Variants in HPSE2 observed in about 807,000 individuals in gnomAD.
The protein encoded by HPSE2 is inactive heparanase-2.
Under a neutral mutation model 60.5 loss-of-function variants are expected in HPSE2, and 38 were observed. The ratio of observed to expected loss-of-function variants is 0.63; its 90% CI spans 0.48 to 0.82. HPSE2 has a LOEUF of 0.82. Ranked by LOEUF, HPSE2 falls within the 40% of genes least tolerant of loss-of-function variation. The pLI, the probability that HPSE2 is intolerant of heterozygous loss-of-function variation, is 0.00. For missense variants in HPSE2, 713 were observed against 740.4 expected, an observed-to-expected ratio of 0.96 and a Z score of 0.43; for synonymous variants, 295 against 293.2, an observed-to-expected ratio of 1.01 and a Z score of -0.06.
chr10:98,922,293 G>T (rs1029221708), intron 3 of HPSE2, among the ~76,000 whole-genome samples: 1 of 152,144 alleles, frequency 6.6e-6, no homozygotes, highest in Admixed American at 6.5e-5. Context: ...ATTGGATAGT[G>T]CCCTTCAGGG....
chr10:98,742,102 T>C (rs1424797653), intron 4 of HPSE2, among the ~76,000 whole-genome samples: 1 of 152,192 alleles, frequency 6.6e-6, no homozygotes, highest in Admixed American at 6.5e-5. Context: ...TGTTGTCAAA[T>C]GTATGATACT....
At chr10:98,465,426 C>A (rs1167846907) in intron 11 of HPSE2, among the ~76,000 whole-genome samples, 1 of 152,214 alleles carries the variant, frequency 6.6e-6, no homozygotes, top group Non-Finnish European at 1.5e-5. Flanking sequence ...GAGATTTGCA[C>A]TGACGCCCTT....
intron 9 of HPSE2, among the ~76,000 whole-genome samples, chr10:98,552,377 C>T (rs1943888197): frequency 1.3e-5 from 2 of 152,004 alleles, no homozygotes; most frequent in African/African-American, 4.8e-5. Flanking sequence ...TATTAACGCA[C>T]TTAGAACTGT....
chr10:99,046,501 GA>G (rs764583135), intron 3 of HPSE2, among the ~76,000 whole-genome samples: 3 of 151,928 alleles, frequency 2.0e-5, no homozygotes, highest in Non-Finnish European at 4.4e-5. Context: ...AAGAAAAAAA[GA>G]AATAAAACAC....
At chr10:98,825,848 C>T (rs1013607098) in intron 3 of HPSE2, among the ~76,000 whole-genome samples, 22 of 152,184 alleles carry the variant, frequency 1.4e-4, no homozygotes, top group Non-Finnish European at 3.2e-4. Context: ...TGGACATGGT[C>T]ATGAATGCAT....
At chr10:98,884,166 T>C (rs984747865) in intron 3 of HPSE2, among the ~76,000 whole-genome samples, 1 of 152,146 alleles carries the variant, frequency 6.6e-6, no homozygotes, top group Non-Finnish European at 1.5e-5. Context: ...TACCTCTCTT[T>C]AATTCTCTGA....
At chr10:98,807,224 C>CT (rs1196743483) in intron 3 of HPSE2, among the ~76,000 whole-genome samples, 3 of 152,142 alleles carry the variant, frequency 2.0e-5, no homozygotes, top group African/African-American at 7.2e-5. Flanking sequence ...TTCTGCCATT[C>CT]TTTTTTATAT....
At chr10:99,072,541 A>G (rs897157737) in intron 3 of HPSE2, among the ~76,000 whole-genome samples, 1 of 152,232 alleles carries the variant, frequency 6.6e-6, no homozygotes, top group Non-Finnish European at 1.5e-5. Flanking sequence ...GCTGACAAAC[A>G]TATGAAAAAA....
chr10:98,465,481 A>G (rs1940488456), intron 11 of HPSE2, among the ~76,000 whole-genome samples: 2 of 152,226 alleles, frequency 1.3e-5, no homozygotes, highest in Admixed American at 6.5e-5. Context: ...TGATTGCTAA[A>G]GAGCCCCAGG....
At chr10:98,758,631 T>C (rs1742459367) in intron 3 of HPSE2, among the ~76,000 whole-genome samples, 1 of 152,110 alleles carries the variant, frequency 6.6e-6, no homozygotes, top group Non-Finnish European at 1.5e-5. Flanking sequence ...AAAACCACAA[T>C]GAGACATCAT....
chr10:99,175,510 T>C (rs1484038837), intron 2 of HPSE2, among the ~76,000 whole-genome samples: 1 of 152,116 alleles, frequency 6.6e-6, no homozygotes, highest in Non-Finnish European at 1.5e-5. Flanking sequence ...GCTAGGAAGT[T>C]CCAACTGGGC....
At chr10:99,047,409 T>C (rs1957881002) in intron 3 of HPSE2, among the ~76,000 whole-genome samples, 1 of 152,202 alleles carries the variant, frequency 6.6e-6, no homozygotes, top group Non-Finnish European at 1.5e-5. Flanking sequence ...AATATTGGTC[T>C]AGGCAAAGAA....
At chr10:99,143,948 C>T (rs1398260677) in intron 3 of HPSE2, among the ~76,000 whole-genome samples, 1 of 152,122 alleles carries the variant, frequency 6.6e-6, no homozygotes, top group African/African-American at 2.4e-5. Flanking sequence ...TTAAAAGACA[C>T]CAAATTTAGT....
At chr10:98,554,253 T>G (rs1023070738) in intron 9 of HPSE2, among the ~76,000 whole-genome samples, 7 of 152,204 alleles carry the variant, frequency 4.6e-5, no homozygotes, top group African/African-American at 1.7e-4. Context: ...AAACTCCCCA[T>G]GGACTCAGGC....
At chr10:98,989,224 C>T (rs1368647109) in intron 3 of HPSE2, among the ~76,000 whole-genome samples, 2 of 152,080 alleles carry the variant, frequency 1.3e-5, no homozygotes, top group East Asian at 1.9e-4. Flanking sequence ...CTATTCACAA[C>T]AGAAAAGACT....
Position 98,838,611 on chromosome 10 carries a change from T to G in HPSE2, c.611-94555A>C, listed in dbSNP as rs549851245. On this transcript the variant is annotated intron_variant, in intron 3 of 11. Coordinates refer to ENST00000370552, the MANE Select transcript of HPSE2 (RefSeq NM_021828.5). ...GGCTAATTTTTTAACTTTTTTTTTT[T>G]TTTAGAGATGGGGTCTCACTATGCT... is the stretch of plus-strand genomic sequence containing the variant. Among the ~76,000 whole-genome samples, 12 of 152,000 alleles carry G rather than the reference T, an allele frequency of 7.9e-5. 1 individual carries two copies. In the South Asian group the frequency reaches 2.5e-3, roughly 32 times the overall value.
In HPSE2 at chr10:98,502,823, A is replaced by G. The variant is rs564998512; in HGVS notation, c.1321-12627T>C. ...CTACAACGAACTCAAACAAATCAGT[A>G]AGAAAAAAACAAACAATCCATCAAA... On this transcript the variant is annotated intron_variant, in intron 9 of 11. Transcript: ENST00000370552. Among the ~76,000 whole-genome samples the G allele has an allele frequency of 3.3e-5, 5 of 152,376 alleles. No homozygotes were observed. In the East Asian group the frequency reaches 7.7e-4, roughly 23 times the overall value.
intron 7 of HPSE2, among the ~76,000 whole-genome samples, chr10:98,637,308 A>T (rs1946523778): frequency 6.6e-6 from 1 of 152,192 alleles, no homozygotes; most frequent in African/African-American, 2.4e-5. Flanking sequence ...CACCTATCAT[A>T]TTCCCCAGAG....
chr10:98,713,020 G>C (rs1948711281), intron 5 of HPSE2, among the ~76,000 whole-genome samples: 1 of 152,062 alleles, frequency 6.6e-6, no homozygotes, highest in Non-Finnish European at 1.5e-5. Context: ...TGTTAGTTTA[G>C]ATAGAGAATT....
Sources: gnomAD v4.1 joint callset for allele counts (sites outside exome capture counted in the v4.1 genomes callset) on GRCh38, gnomAD v4.1.1 for gene constraint, MANE v1.5 for transcripts, NCBI Gene and HGNC (gene_info 2026-07-23, HGNC 2026-07-21) for gene names.